Variants in MAP3K3 observed in about 807,000 individuals in gnomAD.
MAP3K3 encodes MAP/ERK kinase kinase 3.
A neutral mutation model predicts 80.9 loss-of-function variants in MAP3K3; 12 were observed. The observed-to-expected ratio is 0.15, with a 90% CI of 0.10 to 0.24. The LOEUF (loss-of-function observed/expected upper bound fraction) is 0.24. Ranked by LOEUF, MAP3K3 falls within the 10% of genes least tolerant of loss-of-function variation. The probability of loss-of-function intolerance (pLI) is 1.00; values close to 1 mark genes in which losing one functional copy is unlikely to be tolerated. For synonymous variants in MAP3K3, 272 were observed against 307.1 expected, an observed-to-expected ratio of 0.89 and a Z score of 1.19; for missense variants, 596 against 834.7, an observed-to-expected ratio of 0.71 and a Z score of 3.52.
At chr17:63,672,052 A>C (rs2035120018) in intron 6 of MAP3K3, among the ~76,000 whole-genome samples, 1 of 151,926 alleles carries the variant, frequency 6.6e-6, no homozygotes. Context: ...GGAGGCCGAG[A>C]TGGGTGGATC....
intron 3 of MAP3K3, among the ~76,000 whole-genome samples, chr17:63,648,364 A>G (rs918602596): frequency 6.6e-6 from 1 of 152,174 alleles, no homozygotes; most frequent in Non-Finnish European, 1.5e-5. Context: ...ACCCTTTTGC[A>G]CTGTTGCTGA....
chr17:63,659,130 G>T (rs1291147824), intron 5 of MAP3K3, among the ~76,000 whole-genome samples: 6 of 152,254 alleles, frequency 3.9e-5, no homozygotes, highest in Middle Eastern at 3.4e-3. Flanking sequence ...CTTTAGCCTT[G>T]CAAAGTGCTG....
intron 4 of MAP3K3, among the ~76,000 whole-genome samples, chr17:63,656,314 A>G (rs114973394): frequency 0.013 from 1,967 of 152,058 alleles, 48 homozygotes; most frequent in African/African-American, 0.045. Context: ...ATACGTGTAT[A>G]AAATCTGACC....
chr17:63,648,770 G>A (rs1025923579), intron 3 of MAP3K3, among the ~76,000 whole-genome samples: 8 of 152,170 alleles, frequency 5.3e-5, no homozygotes, highest in African/African-American at 1.7e-4. Context: ...AGCCGAGTTC[G>A]AGCCACTGCA....
intron 4 of MAP3K3, among the ~76,000 whole-genome samples, chr17:63,657,406 G>C (rs893834794): frequency 2.0e-5 from 3 of 152,106 alleles, no homozygotes; most frequent in African/African-American, 7.2e-5. Flanking sequence ...TGTATGAATT[G>C]TATGAGTCTA....
chr17:63,685,285 C>T (rs2035424561), intron 7 of MAP3K3, among the ~76,000 whole-genome samples: 1 of 152,210 alleles, frequency 6.6e-6, no homozygotes, highest in African/African-American at 2.4e-5. Context: ...TGCTCTCCTG[C>T]CAGAGCTCCT....
At position 63,693,629 on chromosome 17, in the gene MAP3K3, A is replaced by G. The variant is rs1160019670; in HGVS notation, c.1733A>G (p.Lys578Arg). The G allele has an allele frequency of 1.2e-6, 2 of 1,610,774 alleles. No homozygotes were observed. The highest frequency in any genetic ancestry group is 1.1e-5 in the South Asian group (1 of 90,886). ...AEYEAMAAIF[K>R]IATQPTNPQL... ...TATGAAGCTATGGCCGCCATCTTCA[A>G]GATTGCCACCCAGCCCACCAATCCT... The change falls in exon 16 of 16, where the codon AAG becomes AGG. Residue 578 changes from lysine (K) to arginine (R), a missense_variant. Lys to Arg is a conservative substitution (Grantham distance 26). Coordinates refer to ENST00000361733, the MANE Select transcript of MAP3K3 (RefSeq NM_002401.5). This position sits in a 1 kb window ranked among gnomAD's most constrained non-coding sequence, Gnocchi z 4.2.
Position 63,670,586 on chromosome 17 carries a change from C to CAAAA in MAP3K3, c.502+3545_502+3548dup, listed in dbSNP as rs756058538. Among the ~76,000 whole-genome samples the CAAAA allele has an allele frequency of 2.3e-3, 180 of 78,742 alleles. 1 individual carries two copies. Among genetic ancestry groups the CAAAA allele is most frequent in the African/African-American group, 4.7e-3 (98 of 20,764 alleles). The allele number at this position is 78,742 out of a possible 152,430, so 51.7% of individuals were successfully genotyped here. On this transcript the variant is annotated intron_variant, in intron 6 of 15. Transcript: ENST00000361733. ...TGACAGAGTGAGTGAGACTCTGTCT[C>CAAAA]AAAAAAAAAAAAAAAAAAAAAAGAA...
chr17:63,657,727 G>T, intron 4 of MAP3K3, 67 bp from the exon 5 acceptor site: 2 of 664,684 alleles, frequency 3.0e-6, no homozygotes, highest in Non-Finnish European at 5.2e-6. Flanking sequence ...TTTTATTTCT[G>T]CAAAGTGAAA....
At chr17:63,627,863 T>C (rs2034133861) in intron 1 of MAP3K3, among the ~76,000 whole-genome samples, 1 of 151,930 alleles carries the variant, frequency 6.6e-6, no homozygotes, top group Non-Finnish European at 1.5e-5. Flanking sequence ...GACTTACAGG[T>C]GTGAGCCAAT....
intron 5 of MAP3K3, among the ~76,000 whole-genome samples, chr17:63,660,409 T>G (rs2034864858): frequency 6.6e-6 from 1 of 151,690 alleles, no homozygotes; most frequent in African/African-American, 2.4e-5. Context: ...GACAGGGTCT[T>G]GCCATGTTGC....
chr17:63,650,656 TATAG>T (rs1356158375), intron 3 of MAP3K3, among the ~76,000 whole-genome samples: 3 of 122,052 alleles, frequency 2.5e-5, no homozygotes, highest in African/African-American at 1.2e-4. Context: ...CTCTGTCTCT[TATAG>T]AGAGAGAGAG....
chr17:63,634,812 A>C (rs1312241429), intron 2 of MAP3K3: 1 of 1,609,136 alleles, frequency 6.2e-7, no homozygotes, highest in Non-Finnish European at 8.5e-7. Context: ...GTAAGGATCC[A>C]GATTACCTGT....
intron 2 of MAP3K3, among the ~76,000 whole-genome samples, chr17:63,639,974 A>C (rs2034408146): frequency 6.6e-6 from 1 of 152,108 alleles, no homozygotes; most frequent in African/African-American, 2.4e-5. Context: ...GTCAGGGAGA[A>C]TGGGAAGCAG....
intron 2 of MAP3K3, among the ~76,000 whole-genome samples, chr17:63,642,801 G>A (rs930263051): frequency 3.3e-5 from 5 of 152,000 alleles, no homozygotes; most frequent in African/African-American, 1.2e-4. Context: ...CTATCACCCA[G>A]GCTGGAGTCC....
At chr17:63,637,872 A>G (rs569842922) in intron 2 of MAP3K3, among the ~76,000 whole-genome samples, 1 of 152,330 alleles carries the variant, frequency 6.6e-6, no homozygotes, top group African/African-American at 2.4e-5. Flanking sequence ...CCAGATGTTC[A>G]TGAGTGGGTG....
chr17:63,655,203 A>G (rs1452317156), intron 4 of MAP3K3, among the ~76,000 whole-genome samples: 1 of 152,110 alleles, frequency 6.6e-6, no homozygotes, highest in African/African-American at 2.4e-5. Flanking sequence ...GGCCAAGCAA[A>G]TGAGAAAAAG....
chr17:63,644,464 C>T (rs1385072309), intron 2 of MAP3K3, among the ~76,000 whole-genome samples: 3 of 152,208 alleles, frequency 2.0e-5, no homozygotes, highest in Admixed American at 6.5e-5. Context: ...GATCTGCCCG[C>T]CTCGGCCTCC....
At position 63,692,146 on chromosome 17, in the gene MAP3K3, G is replaced by C; in HGVS notation, c.1475-96G>C. 2 of 1,400,054 alleles carry C rather than the reference G, an allele frequency of 1.4e-6. No homozygotes were observed. The highest frequency in any genetic ancestry group is 2.0e-6 in the Non-Finnish European group (2 of 1,000,294). The allele number at this position is 1,400,054 out of a possible 1,614,324, so 86.7% of individuals were successfully genotyped here. ...TCATGTCTAATTCAGTGGTAGCCCT[G>C]CCCTCTCCAGCAGCTCTCAGTGACC... On this transcript the variant is annotated intron_variant, in intron 14 of 15. Coordinates refer to ENST00000361733, the MANE Select transcript of MAP3K3 (RefSeq NM_002401.5). The surrounding 1 kb of genome is among the most constrained non-coding windows in gnomAD (Gnocchi z 4.5).
Sources: allele counts gnomAD v4.1 joint callset (sites outside exome capture counted in the v4.1 genomes callset), GRCh38; gene constraint gnomAD v4.1.1; non-coding constraint Gnocchi (gnomAD v3.1); transcripts MANE v1.5; gene names NCBI Gene and HGNC (gene_info 2026-07-23, HGNC 2026-07-21).